SPRY3: variants seen among roughly 807,000 people sequenced by gnomAD.
SPRY3 encodes protein sprouty homolog 3.
SPRY3 carries 15 observed loss-of-function variants against 20.2 expected under a neutral mutation model. The observed-to-expected ratio is 0.74, with a 90% CI of 0.50 to 1.14. The LOEUF is 1.14. Among genes scored for constraint, SPRY3 ranks in the 50% most tolerant of loss-of-function variants. SPRY3 has a pLI of 0.00. For missense variants in SPRY3, 364 were observed against 363.9 expected, an observed-to-expected ratio of 1.00 and a Z score of 0.00; for synonymous variants, 143 against 136.5, an observed-to-expected ratio of 1.05 and a Z score of -0.33.
chrX:155,769,994 T>C (rs1569401366), intron 3 of SPRY3, among the ~76,000 whole-genome samples: 1 of 152,058 alleles, frequency 6.6e-6, no homozygotes, highest in Non-Finnish European at 1.5e-5. Context: ...AGAAAACATA[T>C]AAAGCCAAAG....
At chrX:155,657,383 A>G (rs1257596585) in intron 2 of SPRY3, among the ~76,000 whole-genome samples, 1 of 112,090 alleles carries the variant, frequency 8.9e-6, no homozygotes, top group Non-Finnish European at 1.9e-5. Flanking sequence ...AGTTCTGCCT[A>G]GTCTGAATTT....
At chrX:155,656,381 G>C (rs2067992291) in intron 1 of SPRY3, among the ~76,000 whole-genome samples, 1 of 110,422 alleles carries the variant, frequency 9.1e-6, no homozygotes, top group Admixed American at 9.7e-5. Context: ...TCTTCCGCTT[G>C]ATTGATTCAG....
intron 2 of SPRY3, among the ~76,000 whole-genome samples, chrX:155,703,483 G>T (rs2090926211): frequency 3.1e-5 from 1 of 32,714 alleles, no homozygotes; most frequent in Non-Finnish European, 5.9e-5. Flanking sequence ...ATTTTTTATT[G>T]TGTCTATTTG....
intron 2 of SPRY3, among the ~76,000 whole-genome samples, chrX:155,679,468 G>C (rs922921635): frequency 6.5e-5 from 7 of 107,028 alleles, no homozygotes; most frequent in South Asian, 4.1e-4. Context: ...AAGGGTGGGG[G>C]TGGGAGTAGC....
rs146568855 is a variant in SPRY3 at position 155,759,110 on chromosome X, G to C, written c.-281-8852G>C. On this transcript the variant is annotated intron_variant, in intron 2 of 3. Coordinates refer to ENST00000675360, the Ensembl canonical transcript of SPRY3. ...GACTCTTACACTGTTGCCCAGGCTGGAGTGCAGTGGCACAATCTCACTGCA... is the reference window on the plus strand; with the variant it reads ...GACTCTTACACTGTTGCCCAGGCTGCAGTGCAGTGGCACAATCTCACTGCA... Among the ~76,000 whole-genome samples, 483 of 150,902 alleles carry C rather than the reference G, an allele frequency of 3.2e-3. 2 individuals are homozygous for C. The highest frequency in any genetic ancestry group is 0.011 in the African/African-American group (469 of 40,958).
rs1047895818 is a variant in SPRY3, at chrX:155,689,217, C to T, written c.-282+32192C>T. On this transcript the variant is annotated intron_variant, in intron 2 of 3. Transcript: ENST00000675360. ...TTCTGAATGGTACTGCCTAGGTTTT[C>T]TTCCAGGGTTTTCATAGTTTGGGAT... Among the ~76,000 whole-genome samples the T allele has an allele frequency of 1.5e-4, 13 of 87,353 alleles. 1 individual carries two copies. The Admixed American group carries it at 1.6e-3, about 11-fold the overall frequency. 75.9% of individuals were successfully genotyped at this position (87,353 alleles called of 115,157 possible). A position where few individuals can be genotyped will look rare whatever the true frequency, so the allele number is the denominator to read the frequency against.
At chrX:155,646,041 G>GA (rs1557351837) in intron 1 of SPRY3, among the ~76,000 whole-genome samples, 3 of 111,688 alleles carry the variant, frequency 2.7e-5, no homozygotes, top group Non-Finnish European at 5.7e-5. Context: ...ACCATTTGTT[G>GA]AAAAAACTAT....
At chrX:155,732,714 G>C (rs1228625709) in intron 2 of SPRY3, among the ~76,000 whole-genome samples, 3 of 152,000 alleles carry the variant, frequency 2.0e-5, no homozygotes, top group Non-Finnish European at 4.4e-5. Flanking sequence ...GTTTATTGCA[G>C]CACTATTCAC....
intron 2 of SPRY3, among the ~76,000 whole-genome samples, chrX:155,741,530 C>G (rs2091204465): frequency 6.6e-6 from 1 of 151,920 alleles, no homozygotes; most frequent in African/African-American, 2.4e-5. Flanking sequence ...ATGAGAAGAT[C>G]AAACCCCAAG....
At chrX:155,734,420 G>A (rs983930534) in intron 2 of SPRY3, among the ~76,000 whole-genome samples, 2 of 151,898 alleles carry the variant, frequency 1.3e-5, no homozygotes, top group African/African-American at 4.8e-5. Context: ...TGCAGTTTGT[G>A]GCACCCTGAA....
intron 2 of SPRY3, among the ~76,000 whole-genome samples, chrX:155,726,589 C>G (rs1281272184): frequency 6.6e-6 from 1 of 151,960 alleles, no homozygotes; most frequent in African/African-American, 2.4e-5. Context: ...TTCTTTTTCT[C>G]TTTTGATCTG....
chrX:155,710,802 A>G (rs958106524), intron 2 of SPRY3, among the ~76,000 whole-genome samples: 8 of 151,820 alleles, frequency 5.3e-5, no homozygotes, highest in African/African-American at 1.7e-4. Flanking sequence ...TGGGTCTGTC[A>G]TCTATGGCTT....
At chrX:155,753,882 TTG>T (rs1338804233) in intron 2 of SPRY3, among the ~76,000 whole-genome samples, 1 of 152,004 alleles carries the variant, frequency 6.6e-6, no homozygotes, top group Non-Finnish European at 1.5e-5. Context: ...TATTGGCCAT[TTG>T]TGTGTCTTTG....
At chrX:155,679,069 GA>G (rs2068065981) in intron 2 of SPRY3, among the ~76,000 whole-genome samples, 1 of 111,001 alleles carries the variant, frequency 9.0e-6, no homozygotes, top group South Asian at 3.9e-4. Context: ...CTGGGGGAAG[GA>G]TAGCATTAGG....
At chrX:155,642,667 T>C (rs1167672675) in intron 1 of SPRY3, among the ~76,000 whole-genome samples, 1 of 111,657 alleles carries the variant, frequency 9.0e-6, no homozygotes, top group African/African-American at 3.3e-5. Context: ...GGTTTTAGTA[T>C]GTTGTGTTTC....
intron 2 of SPRY3, among the ~76,000 whole-genome samples, chrX:155,692,525 G>A (rs2068106500): frequency 9.0e-6 from 1 of 110,593 alleles, no homozygotes; most frequent in Admixed American, 9.7e-5. Context: ...GGTTATTTGT[G>A]TTTCCATATA....
intron 1 of SPRY3, among the ~76,000 whole-genome samples, chrX:155,654,725 GTGTGTGTGTA>G (rs2067986917): frequency 1.9e-5 from 2 of 104,081 alleles, no homozygotes; most frequent in East Asian, 3.7e-4. Flanking sequence ...GTGTGTGTGT[GTGTGTGTGTA>G]TAATATAAAA....
chrX:155,759,528 G>A (rs980974725), intron 2 of SPRY3, among the ~76,000 whole-genome samples: 16 of 151,450 alleles, frequency 1.1e-4, no homozygotes, highest in South Asian at 2.1e-4. Flanking sequence ...ATAACATATC[G>A]CTATATATAT....
At chrX:155,740,693 C>T (rs370818882) in intron 2 of SPRY3, among the ~76,000 whole-genome samples, 38 of 152,238 alleles carry the variant, frequency 2.5e-4, no homozygotes, top group Admixed American at 1.8e-3. Flanking sequence ...GACAATAATA[C>T]GTGCACAGCT....
Sources: allele counts gnomAD v4.1 joint callset (sites outside exome capture counted in the v4.1 genomes callset), GRCh38; gene constraint gnomAD v4.1.1; transcripts MANE v1.5; gene names NCBI Gene and HGNC (gene_info 2026-07-23, HGNC 2026-07-21).